CNTN3: variants seen among roughly 807,000 people sequenced by gnomAD.
The protein encoded by CNTN3 is contactin-3.
A neutral mutation model predicts 119.1 loss-of-function variants in CNTN3; 60 were observed. That is an observed-to-expected ratio of 0.50 (90% CI 0.41 to 0.62). The LOEUF (loss-of-function observed/expected upper bound fraction) is 0.62, where lower values mean the gene tolerates loss of function less well. Among genes scored for constraint, CNTN3 ranks in the 20% least tolerant of loss-of-function variants. The pLI is 0.00. For synonymous variants in CNTN3, 450 were observed against 438.7 expected (o/e 1.03, Z -0.32); for missense variants, 1,101 against 1,242.4 (o/e 0.89, Z 1.71).
chr3:74,519,706 A>G (rs1703510339), intron 2 of CNTN3, among the ~76,000 whole-genome samples: 1 of 151,740 alleles, frequency 6.6e-6, no homozygotes, highest in African/African-American at 2.4e-5. Flanking sequence ...CAAGAATAAA[A>G]TATTTTACCA....
intron 1 of CNTN3, among the ~76,000 whole-genome samples, chr3:74,532,468 GAAC>G (rs1355205806): frequency 1.3e-5 from 2 of 151,900 alleles, no homozygotes; most frequent in South Asian, 2.1e-4. Context: ...AGACAGAGAT[GAAC>G]AACAATAATC....
intron 1 of CNTN3, among the ~76,000 whole-genome samples, chr3:74,550,601 C>T (rs1004978730): frequency 6.6e-6 from 1 of 152,140 alleles, no homozygotes; most frequent in African/African-American, 2.4e-5. Context: ...TGCAGTGGTG[C>T]ACTCATAGCT....
At chr3:74,357,301 T>A (rs1703959641) in intron 11 of CNTN3, among the ~76,000 whole-genome samples, 1 of 151,912 alleles carries the variant, frequency 6.6e-6, no homozygotes, top group African/African-American at 2.4e-5. Context: ...ATTTTTTTAA[T>A]AGAAGGAGTT....
intron 1 of CNTN3, among the ~76,000 whole-genome samples, chr3:74,589,191 T>G (rs1253145085): frequency 6.6e-6 from 1 of 152,012 alleles, no homozygotes; most frequent in East Asian, 1.9e-4. Flanking sequence ...GGGAGAAAAT[T>G]TTTGTGACCT....
chr3:74,481,707 T>TA (rs1702765997), intron 4 of CNTN3, among the ~76,000 whole-genome samples: 1 of 151,284 alleles, frequency 6.6e-6, no homozygotes, highest in African/African-American at 2.4e-5. Context: ...AAAAGAACTA[T>TA]AAAAAATACA....
At chr3:74,318,408 G>A (rs971764088) in intron 13 of CNTN3, among the ~76,000 whole-genome samples, 8 of 152,104 alleles carry the variant, frequency 5.3e-5, no homozygotes, top group African/African-American at 1.9e-4. Flanking sequence ...AGGAGGAGAG[G>A]CGCTCTGATT....
intron 11 of CNTN3, among the ~76,000 whole-genome samples, chr3:74,347,604 T>A (rs543057555): frequency 2.0e-5 from 3 of 152,316 alleles, no homozygotes; most frequent in South Asian, 2.1e-4. Context: ...GCTAAAAAAA[T>A]TTTATCTTTT....
At chr3:74,419,058 A>C (rs1465496709) in intron 5 of CNTN3, among the ~76,000 whole-genome samples, 1 of 151,972 alleles carries the variant, frequency 6.6e-6, no homozygotes, top group Non-Finnish European at 1.5e-5. Context: ...CGGCCTCCCA[A>C]AGTGCTAGGA....
chr3:74,586,199 A>T (rs537227916), intron 1 of CNTN3, among the ~76,000 whole-genome samples: 1 of 152,264 alleles, frequency 6.6e-6, no homozygotes, highest in South Asian at 2.1e-4. Context: ...GAGATTCCAA[A>T]TCTGAGAAAA....
chr3:74,470,286 A>C (rs1209774123), intron 4 of CNTN3, among the ~76,000 whole-genome samples: 3 of 152,164 alleles, frequency 2.0e-5, no homozygotes, highest in Non-Finnish European at 4.4e-5. Context: ...CTCTGTGAAT[A>C]TACTAGAAAC....
chr3:74,474,943 C>A (rs1157663150), intron 4 of CNTN3, among the ~76,000 whole-genome samples: 3 of 152,118 alleles, frequency 2.0e-5, no homozygotes, highest in Non-Finnish European at 2.9e-5. Context: ...TCGCCTTCTG[C>A]CATGATTCTA....
At chr3:74,290,187 G>A (rs1297068889) in intron 19 of CNTN3, among the ~76,000 whole-genome samples, 1 of 152,152 alleles carries the variant, frequency 6.6e-6, no homozygotes, top group Non-Finnish European at 1.5e-5. Flanking sequence ...GTGCAATTAT[G>A]CGAACCTGCA....
chr3:74,311,010 C>T (rs72892539), intron 13 of CNTN3, among the ~76,000 whole-genome samples: 5,529 of 152,246 alleles, frequency 0.036, 297 homozygotes, highest in African/African-American at 0.11. Context: ...TATTTATTCG[C>T]CAAGATTCAT....
intron 1 of CNTN3, among the ~76,000 whole-genome samples, chr3:74,583,131 T>G (rs1183706134): frequency 3.9e-5 from 6 of 152,044 alleles, no homozygotes; most frequent in Non-Finnish European, 8.8e-5. Flanking sequence ...TCAGTAGTTG[T>G]TTGGTACCTG....
At chr3:74,490,448 AT>A (rs749984454) in intron 3 of CNTN3, among the ~76,000 whole-genome samples, 4 of 152,188 alleles carry the variant, frequency 2.6e-5, no homozygotes, top group Non-Finnish European at 4.4e-5. Context: ...TCATTTGAAA[AT>A]TGTGTTTTTC....
intron 18 of CNTN3, among the ~76,000 whole-genome samples, chr3:74,295,593 G>A (rs1321392428): frequency 6.6e-6 from 1 of 151,978 alleles, no homozygotes; most frequent in Non-Finnish European, 1.5e-5. Context: ...TCTGCCCACA[G>A]ACGCTACTTA....
At chr3:74,496,450 A>C (rs996507201) in intron 3 of CNTN3, among the ~76,000 whole-genome samples, 6 of 152,178 alleles carry the variant, frequency 3.9e-5, no homozygotes, top group South Asian at 2.1e-4. Flanking sequence ...GTCATTATTC[A>C]ATATGTCTAT....
In CNTN3 at chr3:74,345,728, G is replaced by C. The variant is rs77868961; in HGVS notation, c.1365-9070C>G. Reference sequence around the variant, plus strand: ...ACATAACATTTCTTGGCCAGGAGGAGTTGTGTATCTCCTTATCACATTGTT... The same window carrying C: ...ACATAACATTTCTTGGCCAGGAGGACTTGTGTATCTCCTTATCACATTGTT... On this transcript the variant is annotated intron_variant, in intron 11 of 22. Transcript: ENST00000263665. 2.9e-3 allele frequency among the ~76,000 whole-genome samples: 439 copies of C among 152,284 alleles called. 13 individuals carry two copies. The East Asian group carries it at 0.068, about 24-fold the overall frequency.
chr3:74,571,744 T>C (rs1329529631), intron 1 of CNTN3, among the ~76,000 whole-genome samples: 3 of 152,168 alleles, frequency 2.0e-5, no homozygotes, highest in African/African-American at 7.2e-5. Context: ...GAAACCATCA[T>C]TTTATACTTA....
Sources: allele counts gnomAD v4.1 joint callset (sites outside exome capture counted in the v4.1 genomes callset), GRCh38; gene constraint gnomAD v4.1.1; transcripts MANE v1.5; gene names NCBI Gene and HGNC (gene_info 2026-07-23, HGNC 2026-07-21).